Variants in ZNF695 observed in about 807,000 individuals in gnomAD.
ZNF695 encodes the protein zinc finger protein SBZF3.
Under a neutral mutation model 11.2 loss-of-function variants are expected in ZNF695, and 11 were observed. That is an observed-to-expected ratio of 0.98 (90% confidence interval 0.62 to 1.62). The LOEUF (loss-of-function observed/expected upper bound fraction) is 1.62, where lower values mean the gene tolerates loss of function less well. ZNF695 is among the 40% of genes most tolerant of loss of function. The pLI, the probability that ZNF695 is intolerant of heterozygous loss-of-function variation, is 0.00. For missense variants in ZNF695, 559 were observed against 590.5 expected (o/e 0.95, Z 0.55); for synonymous variants, 190 against 201.4 (o/e 0.94, Z 0.48).
At chr1:246,981,164 C>T (rs540243581), downstream of ZNF695, among the ~76,000 whole-genome samples, 1 of 152,272 alleles carries the variant, frequency 6.6e-6, no homozygotes, top group African/African-American at 2.4e-5. Flanking sequence ...AAAGGCAAAT[C>T]AGAACTGCTA....
At chr1:246,993,430 AC>A (rs553649210) in intron 3 of ZNF695, among the ~76,000 whole-genome samples, 95 of 151,848 alleles carry the variant, frequency 6.3e-4, no homozygotes, top group African/African-American at 2.2e-3. Context: ...AAACAAACAA[AC>A]AAAAAAAAAC....
At chr1:246,947,206 G>GGGTT (rs1558300051) in intron 5 of ZNF695, among the ~76,000 whole-genome samples, 1 of 124,964 alleles carries the variant, frequency 8.0e-6, no homozygotes, top group Non-Finnish European at 1.6e-5. Context: ...TGGGGGGGTG[G>GGGTT]TTTTTTTTTT....
rs1217481370 is a variant in ZNF695 at position 246,987,038 on chromosome 1, T to C, written c.1477A>G (p.Lys493Glu). ...AAGGCTTTGCCACATTCCTCACACT[T>C]GTATGGTTTCTCTCTGGTATGAATT... ...KTIHTREKPY[K>E]CEECGKAFNH... Residue 493 changes from lysine to glutamate, a missense_variant, in exon 4 of 4, where the codon AAG becomes GAG. By Grantham distance (56) the Lys-to-Glu change is moderately conservative. Coordinates refer to ENST00000339986, the MANE Select transcript of ZNF695 (RefSeq NM_020394.5). 3.1e-6 allele frequency: 5 copies of C among 1,613,596 alleles called. No individual in the cohort carries two copies. The highest frequency in any genetic ancestry group is 4.2e-6 in the Non-Finnish European group (5 of 1,179,880).
At chr1:246,981,202 C>T (rs972145831), downstream of ZNF695, among the ~76,000 whole-genome samples, 46 of 152,040 alleles carry the variant, frequency 3.0e-4, no homozygotes, top group Admixed American at 2.9e-3. Context: ...CTTGTTAGAA[C>T]GACTATAATC....
chr1:246,982,211 G>A (rs775938620), downstream of ZNF695, among the ~76,000 whole-genome samples: 26 of 149,834 alleles, frequency 1.7e-4, no homozygotes, highest in Non-Finnish European at 3.1e-4. Context: ...CGGAGGTTGC[G>A]GTGAGCCGAG....
chr1:246,998,776 G>T (rs1266018498), intron 3 of ZNF695, among the ~76,000 whole-genome samples: 1 of 152,138 alleles, frequency 6.6e-6, no homozygotes, highest in Non-Finnish European at 1.5e-5. Context: ...GACCATATGG[G>T]CTAACATGGT....
At chr1:246,946,584 C>T (rs1667741037) in intron 5 of ZNF695, among the ~76,000 whole-genome samples, 3 of 152,260 alleles carry the variant, frequency 2.0e-5, no homozygotes, top group Non-Finnish European at 2.9e-5. Context: ...GACAGCACCA[C>T]AAACCTGGCT....
At chr1:247,005,570 A>G (rs979981617) in intron 1 of ZNF695, among the ~76,000 whole-genome samples, 7 of 151,908 alleles carry the variant, frequency 4.6e-5, no homozygotes, top group Non-Finnish European at 7.4e-5. Context: ...AAAGTTAGCT[A>G]GCTGTGGTGG....
chr1:246,996,511 G>A (rs1381185926), intron 3 of ZNF695, among the ~76,000 whole-genome samples: 3 of 152,024 alleles, frequency 2.0e-5, no homozygotes, highest in South Asian at 2.1e-4. Context: ...ATCTTTAGAC[G>A]CCCAAGAAAT....
intron 3 of ZNF695, chr1:246,996,100 C>T (rs1488720351): frequency 2.3e-6 from 1 of 442,546 alleles, no homozygotes; most frequent in African/African-American, 2.1e-5. Context: ...AATCCCAGCA[C>T]TTTGGGAGGC....
At chr1:246,947,262 G>A (rs1371942347) in intron 5 of ZNF695, among the ~76,000 whole-genome samples, 3 of 147,358 alleles carry the variant, frequency 2.0e-5, no homozygotes, top group East Asian at 2.1e-4. Context: ...TGCAGTGGCC[G>A]TTCACAGGCA....
chr1:246,989,301 G>T (rs1049180254), intron 3 of ZNF695, among the ~76,000 whole-genome samples: 1 of 152,098 alleles, frequency 6.6e-6, no homozygotes, highest in East Asian at 1.9e-4. Context: ...AATCAAAAAT[G>T]ATAACTACAA....
chr1:246,992,825 C>G (rs1014875492), intron 3 of ZNF695, among the ~76,000 whole-genome samples: 1 of 152,070 alleles, frequency 6.6e-6, no homozygotes, highest in South Asian at 2.1e-4. Flanking sequence ...TACCTTTTTT[C>G]CAATAAGGTA....
intron 1 of ZNF695, among the ~76,000 whole-genome samples, chr1:247,002,325 G>A (rs556004199): frequency 2.0e-5 from 3 of 152,030 alleles, no homozygotes; most frequent in Non-Finnish European, 4.4e-5. Context: ...AAAAGATACC[G>A]CATCCCAGAA....
downstream of ZNF695, among the ~76,000 whole-genome samples, chr1:246,984,237 T>C (rs543504980): frequency 6.9e-6 from 1 of 143,900 alleles, no homozygotes; most frequent in African/African-American, 2.6e-5. Flanking sequence ...AGATGACATA[T>C]TGTGTGGAGA....
chr1:246,985,400 AG>A lies in ZNF695; in HGVS notation c.*1566del. ...ATTACAAAAAGAGCAAACAGAATGA[AG>A]GTGTAACGTGTGGGAACAATATTTT... On this transcript the variant is annotated 3_prime_UTR_variant, in exon 4 of 4. Coordinates refer to ENST00000339986, the MANE Select transcript of ZNF695 (RefSeq NM_020394.5). 4.1e-6 allele frequency: 4 copies of A among 985,368 alleles called. No individual in the cohort carries two copies. Among genetic ancestry groups the A allele is most frequent in the Non-Finnish European group, 4.8e-6 (4 of 829,880 alleles). The allele number at this position is 985,368 out of a possible 1,614,324, so 61.0% of individuals were successfully genotyped here.
At chr1:246,989,525 A>G (rs1281448578) in intron 3 of ZNF695, among the ~76,000 whole-genome samples, 1 of 150,750 alleles carries the variant, frequency 6.6e-6, no homozygotes, top group African/African-American at 2.4e-5. Flanking sequence ...TCACCAGAGA[A>G]AATCACCTTC....
chr1:246,977,318 G>A (rs1237042895), intron 4 of ZNF695, among the ~76,000 whole-genome samples: 1 of 152,218 alleles, frequency 6.6e-6, no homozygotes, highest in African/African-American at 2.4e-5. Flanking sequence ...GTGCAGTGGT[G>A]TGATCTTGGC....
At chr1:246,976,605 T>G (rs10737795) in intron 4 of ZNF695, among the ~76,000 whole-genome samples, 36 of 151,006 alleles carry the variant, frequency 2.4e-4, no homozygotes, top group African/African-American at 8.5e-4. Flanking sequence ...CCATCCTGGC[T>G]AACACGGTGA....
Sources: gnomAD v4.1 joint callset for allele counts (sites outside exome capture counted in the v4.1 genomes callset) on GRCh38, gnomAD v4.1.1 for gene constraint, MANE v1.5 for transcripts, NCBI Gene and HGNC (gene_info 2026-07-23, HGNC 2026-07-21) for gene names.